UNC13B: variants seen among roughly 807,000 people sequenced by gnomAD.
UNC13B encodes the protein unc-13 homolog B, also known as protein unc-13 homolog B.
In UNC13B, 144 loss-of-function variants were observed where a neutral mutation model predicts 211.0. The observed-to-expected ratio is 0.68, with a 90% CI of 0.60 to 0.78. UNC13B has a LOEUF of 0.78. Ranked by LOEUF, UNC13B falls within the 30% of genes least tolerant of loss-of-function variation. UNC13B has a pLI of 0.00. For synonymous variants in UNC13B, 709 were observed against 725.8 expected, an observed-to-expected ratio of 0.98 and a Z score of 0.37; for missense variants, 1,777 against 2,002.0, an observed-to-expected ratio of 0.89 and a Z score of 2.14.
chr9:35,205,184 G>T (rs573052952), intron 1 of UNC13B, among the ~76,000 whole-genome samples: 2 of 152,032 alleles, frequency 1.3e-5, no homozygotes, highest in Non-Finnish European at 2.9e-5. Context: ...TACCTTGATT[G>T]TAAGCTTCCT....
chr9:35,365,890 T>A (rs1437265833), intron 11 of UNC13B, among the ~76,000 whole-genome samples: 1 of 152,316 alleles, frequency 6.6e-6, no homozygotes, highest in East Asian at 1.9e-4. Context: ...TGTGAGCCTA[T>A]TGCTGACCCA....
chr9:35,177,569 A>C (rs946196855), intron 1 of UNC13B, among the ~76,000 whole-genome samples: 1 of 152,192 alleles, frequency 6.6e-6, no homozygotes, highest in Non-Finnish European at 1.5e-5. Context: ...TTGAAATTCT[A>C]TTGTATAGTA....
chr9:35,230,895 AT>A (rs1825161646), intron 2 of UNC13B, among the ~76,000 whole-genome samples: 1 of 152,352 alleles, frequency 6.6e-6, no homozygotes, highest in South Asian at 2.1e-4. Flanking sequence ...ATTTCTTAAA[AT>A]TAAAAAAATA....
chr9:35,234,857 A>G (rs1336668791), intron 3 of UNC13B, among the ~76,000 whole-genome samples: 1 of 152,200 alleles, frequency 6.6e-6, no homozygotes, highest in Admixed American at 6.5e-5. Context: ...TGTGAATCTG[A>G]GAACATTTAT....
chr9:35,404,126 G>C lies in UNC13B; in HGVS notation c.*93G>C. On this transcript the variant is annotated 3_prime_UTR_variant, in exon 40 of 40. Transcript: ENST00000635942. Reference sequence around the variant, plus strand: ...GTGTAACCGGCTTAGGGTCTTTGCAGTCAAGAGGCTGACCCCTTCAGTTAA... The same window carrying C: ...GTGTAACCGGCTTAGGGTCTTTGCACTCAAGAGGCTGACCCCTTCAGTTAA... 6.7e-7 allele frequency: 1 copy of C among 1,484,930 alleles called. No individual in the cohort carries two copies. 92.0% of individuals were successfully genotyped at this position (1,484,930 alleles called of 1,614,324 possible).
intron 7 of UNC13B, among the ~76,000 whole-genome samples, chr9:35,295,180 A>C (rs1164825149): frequency 6.6e-6 from 1 of 152,134 alleles, no homozygotes; most frequent in Non-Finnish European, 1.5e-5. Flanking sequence ...GATTTCCAGG[A>C]CCAGCTTCTG....
intron 11 of UNC13B, among the ~76,000 whole-genome samples, chr9:35,326,399 T>G (rs1831020369): frequency 6.6e-6 from 1 of 152,186 alleles, no homozygotes; most frequent in Non-Finnish European, 1.5e-5. Context: ...ATGATAAGGT[T>G]TAATTTGTTA....
intron 7 of UNC13B, among the ~76,000 whole-genome samples, chr9:35,282,162 A>T (rs1307176894): frequency 6.6e-6 from 1 of 152,206 alleles, no homozygotes; most frequent in African/African-American, 2.4e-5. Context: ...ATATATAGAC[A>T]ACTTTATAAA....
At chr9:35,292,721 A>G (rs1025629877) in intron 7 of UNC13B, among the ~76,000 whole-genome samples, 2 of 152,200 alleles carry the variant, frequency 1.3e-5, no homozygotes, top group African/African-American at 4.8e-5. Flanking sequence ...CAGTCAGTGA[A>G]TATTTGAGTG....
chr9:35,360,660 T>A (rs1833350051), intron 11 of UNC13B: 1 of 152,204 alleles, frequency 6.6e-6, no homozygotes, highest in South Asian at 2.1e-4. Context: ...TAGTTAAAAA[T>A]TTTTTTTGAA....
At chr9:35,312,216 G>A (rs544884898) in intron 10 of UNC13B, among the ~76,000 whole-genome samples, 2 of 152,328 alleles carry the variant, frequency 1.3e-5, no homozygotes, top group Admixed American at 6.5e-5. Context: ...TGAAACACCA[G>A]AGCACTGAAT....
At chr9:35,174,986 CA>C (rs1210393814) in intron 1 of UNC13B, among the ~76,000 whole-genome samples, 1 of 151,830 alleles carries the variant, frequency 6.6e-6, no homozygotes, top group Non-Finnish European at 1.5e-5. Context: ...TGTGTAGAGA[CA>C]AGGTTTTGCC....
Position 35,396,589 on chromosome 9 carries a change from C to G in UNC13B, c.11422C>G (p.Pro3808Ala). 1 of 1,613,900 alleles carries G rather than the reference C, an allele frequency of 6.2e-7. No homozygotes were observed. Among genetic ancestry groups the G allele is most frequent in the Non-Finnish European group, 8.5e-7 (1 of 1,180,004 alleles). ...TCTGCCTGTCCTCCAGGGGCAGGTG[C>G]CTGAGTACCCAGCGTGAGTCATCAT... ...RDLPVLQGQV[P>A]EYPAWFEQFV... is the part of the protein sequence containing the mutation. Residue 3808 changes from proline to alanine, a missense_variant, in exon 27 of 40, where the codon CCT becomes GCT. Transcript: ENST00000635942.
intron 7 of UNC13B, among the ~76,000 whole-genome samples, chr9:35,268,683 C>T (rs1049963772): frequency 1.3e-5 from 2 of 152,182 alleles, no homozygotes; most frequent in African/African-American, 4.8e-5. Context: ...CAGGTTACTG[C>T]ACAGCTGATG....
chr9:35,203,467 G>A (rs541819188), intron 1 of UNC13B, among the ~76,000 whole-genome samples: 28 of 152,292 alleles, frequency 1.8e-4, no homozygotes, highest in Non-Finnish European at 3.4e-4. Flanking sequence ...TTTTCTTTAC[G>A]AATGTTGAAT....
At chr9:35,276,627 T>C (rs1229518283) in intron 7 of UNC13B, among the ~76,000 whole-genome samples, 2 of 152,158 alleles carry the variant, frequency 1.3e-5, no homozygotes, top group African/African-American at 4.8e-5. Flanking sequence ...TTGTAAAAAA[T>C]AGAAATACGT....
intron 5 of UNC13B, 43 bp downstream of exon 5, chr9:35,237,869 G>A (rs1417991493): frequency 5.2e-6 from 8 of 1,552,028 alleles, no homozygotes; most frequent in Middle Eastern, 3.5e-4. Flanking sequence ...TTACCATATT[G>A]TTTGGAATTG....
chr9:35,185,836 T>C (rs1222043045), intron 1 of UNC13B, among the ~76,000 whole-genome samples: 1 of 151,076 alleles, frequency 6.6e-6, no homozygotes, highest in South Asian at 2.1e-4. Flanking sequence ...GAGGATTTCT[T>C]GAGCTCTAGA....
At chr9:35,384,002 T>C (rs1461943579) in intron 21 of UNC13B, among the ~76,000 whole-genome samples, 2 of 152,186 alleles carry the variant, frequency 1.3e-5, no homozygotes, top group Non-Finnish European at 2.9e-5. Flanking sequence ...GGACTTGGCT[T>C]TTTCCTTGTC....
Sources: gnomAD v4.1 joint callset for allele counts (sites outside exome capture counted in the v4.1 genomes callset) on GRCh38, gnomAD v4.1.1 for gene constraint, MANE v1.5 for transcripts, NCBI Gene and HGNC (gene_info 2026-07-23, HGNC 2026-07-21) for gene names.